Variants in LPAR1 observed in about 807,000 individuals in gnomAD.
LPAR1 encodes the protein LPA receptor 1.
LPAR1 carries 5 observed loss-of-function variants against 23.8 expected under a neutral mutation model. The ratio of observed to expected loss-of-function variants is 0.21; its 90% confidence interval spans 0.11 to 0.44. The LOEUF (loss-of-function observed/expected upper bound fraction) is 0.44, where lower values mean the gene tolerates loss of function less well. Among genes scored for constraint, LPAR1 ranks in the 20% least tolerant of loss-of-function variants. The pLI is 0.99. For synonymous variants in LPAR1, 160 were observed against 164.7 expected, an observed-to-expected ratio of 0.97 and a Z score of 0.22; for missense variants, 311 against 482.8, an observed-to-expected ratio of 0.64 and a Z score of 3.33.
At chr9:110,913,349 TATTTACCACTACTAC>T in intron 5 of LPAR1, among the ~76,000 whole-genome samples, 2 of 152,322 alleles carry the variant, frequency 1.3e-5, no homozygotes, top group East Asian at 3.9e-4. Flanking sequence ...CAACAGGTAG[TATTTACCACTACTAC>T]AAGTCAGCCA....
chr9:110,986,929 A>C (rs1238456494), intron 2 of LPAR1, among the ~76,000 whole-genome samples: 1 of 152,168 alleles, frequency 6.6e-6, no homozygotes, highest in Non-Finnish European at 1.5e-5. Flanking sequence ...TATCCTTGAA[A>C]GATGGTTTTC....
intron 2 of LPAR1, among the ~76,000 whole-genome samples, chr9:110,981,265 G>A (rs2096660257): frequency 6.6e-6 from 1 of 152,076 alleles, no homozygotes; most frequent in South Asian, 2.1e-4. Flanking sequence ...CTGCATAGTA[G>A]TTACAAGTAC....
At chr9:110,952,711 TC>T (rs113438541) in intron 4 of LPAR1, among the ~76,000 whole-genome samples, 159 of 151,854 alleles carry the variant, frequency 1.0e-3, no homozygotes, top group African/African-American at 3.7e-3. Context: ...AACCCCGCCC[TC>T]CCCAGCAGTA....
Position 110,993,114 on chromosome 9 carries a change from C to T in LPAR1, c.-181-19556G>A, listed in dbSNP as rs144423768. On this transcript the variant is annotated intron_variant, in intron 2 of 5. Transcript: ENST00000683809. ...TCTGGCATACAAGAAAATATGACCA[C>T]TAACCACAAACTAATTTTTTTTTAA... Among the ~76,000 whole-genome samples the T allele has an allele frequency of 3.6e-4, 55 of 152,220 alleles. 1 individual carries two copies. The East Asian group carries it at 8.9e-3, about 25-fold the overall frequency.
At chr9:110,953,026 G>A (rs2095619631) in intron 4 of LPAR1, among the ~76,000 whole-genome samples, 1 of 152,136 alleles carries the variant, frequency 6.6e-6, no homozygotes, top group South Asian at 2.1e-4. Flanking sequence ...CAGGCCTGGC[G>A]ACTGGCCCTC....
chr9:111,025,835 T>G (rs536052021), intron 2 of LPAR1, among the ~76,000 whole-genome samples: 1 of 152,324 alleles, frequency 6.6e-6, no homozygotes, highest in Non-Finnish European at 1.5e-5. Flanking sequence ...TTTGTCAGGT[T>G]TGTCAAAAAT....
At chr9:110,904,248 T>C (rs762390050) in intron 5 of LPAR1, among the ~76,000 whole-genome samples, 1 of 152,120 alleles carries the variant, frequency 6.6e-6, no homozygotes, top group African/African-American at 2.4e-5. Context: ...TATGGCTACA[T>C]ACGATAGATG....
intron 2 of LPAR1, among the ~76,000 whole-genome samples, chr9:111,024,534 G>T (rs2097646902): frequency 8.4e-6 from 1 of 119,690 alleles, no homozygotes. Context: ...ATATGGGAGT[G>T]TGTGTGTGTG....
At chr9:110,930,277 A>G (rs921025702) in intron 5 of LPAR1, among the ~76,000 whole-genome samples, 2 of 152,104 alleles carry the variant, frequency 1.3e-5, no homozygotes, top group African/African-American at 4.8e-5. Flanking sequence ...GCACTTTGGG[A>G]GGCTGAGGCA....
At chr9:111,006,682 A>C (rs933042130) in intron 2 of LPAR1, among the ~76,000 whole-genome samples, 3 of 152,208 alleles carry the variant, frequency 2.0e-5, no homozygotes, top group Non-Finnish European at 4.4e-5. Context: ...TCTTTATAGC[A>C]CATAAACAAA....
In LPAR1 at chr9:110,941,887, T is replaced by C; in HGVS notation, c.327A>G (p.Thr109=). 1 of 1,614,218 alleles carries C rather than the reference T, an allele frequency of 6.2e-7. No homozygotes were observed. The highest frequency in any genetic ancestry group is 1.3e-5 in the African/African-American group (1 of 75,062). Residue 109 remains threonine, a synonymous_variant, in exon 5 of 6, where the codon ACA becomes ACG. Coordinates refer to ENST00000683809, the MANE Select transcript of LPAR1 (RefSeq NM_001351411.2). The surrounding 1 kb of genome is among the most constrained non-coding windows in gnomAD (Gnocchi z 6.1). ...CAGTCAGTCTCCGAGTATTGGGTCC[T>C]GTGTTGAACATGAGATAGAAGTAGG... is the stretch of plus-strand genomic sequence containing the variant. ...GLAYFYLMFN[T]GPNTRRLTVS... is the part of the protein sequence containing the mutation.
At chr9:110,972,632 AG>A (rs2096459668) in intron 3 of LPAR1, among the ~76,000 whole-genome samples, 1 of 152,178 alleles carries the variant, frequency 6.6e-6, no homozygotes, top group African/African-American at 2.4e-5. Context: ...GTGGATTCTA[AG>A]CCCCCCAGTG....
At chr9:110,897,805 C>A (rs60194419) in intron 5 of LPAR1, among the ~76,000 whole-genome samples, 1 of 139,284 alleles carries the variant, frequency 7.2e-6, no homozygotes. Flanking sequence ...TAAAATAAGG[C>A]CTTTGATTTT....
chr9:110,987,822 T>A (rs1443154880), intron 2 of LPAR1, among the ~76,000 whole-genome samples: 1 of 150,582 alleles, frequency 6.6e-6, no homozygotes, highest in Non-Finnish European at 1.5e-5. Context: ...GTAACTGGAG[T>A]CCCCAAAGCA....
chr9:110,928,587 T>C (rs867125674), intron 5 of LPAR1, among the ~76,000 whole-genome samples: 1 of 152,310 alleles, frequency 6.6e-6, no homozygotes, highest in South Asian at 2.1e-4. Flanking sequence ...TACCGTCTGA[T>C]CGTTTTATAC....
At chr9:110,989,236 G>A (rs1170314287) in intron 2 of LPAR1, among the ~76,000 whole-genome samples, 1 of 152,116 alleles carries the variant, frequency 6.6e-6, no homozygotes, top group Non-Finnish European at 1.5e-5. Flanking sequence ...TATCTATCTG[G>A]AGACAAGGAC....
chr9:110,897,038 C>T (rs1032294758), intron 5 of LPAR1, among the ~76,000 whole-genome samples: 1 of 152,098 alleles, frequency 6.6e-6, no homozygotes, highest in East Asian at 1.9e-4. Flanking sequence ...CTGCCCACCT[C>T]GGCCTCCCAA....
intron 2 of LPAR1, among the ~76,000 whole-genome samples, chr9:111,016,436 C>T (rs958575577): frequency 1.3e-5 from 2 of 152,182 alleles, no homozygotes; most frequent in Admixed American, 1.3e-4. Context: ...GTATGTGGGG[C>T]CAAATTCATT....
At chr9:111,009,640 A>C (rs1053943683) in intron 2 of LPAR1, among the ~76,000 whole-genome samples, 3 of 151,984 alleles carry the variant, frequency 2.0e-5, no homozygotes, top group Admixed American at 1.3e-4. Context: ...ATTATATATG[A>C]ATCACTTTTA....
Sources: allele counts gnomAD v4.1 joint callset (sites outside exome capture counted in the v4.1 genomes callset), GRCh38; gene constraint gnomAD v4.1.1; non-coding constraint Gnocchi (gnomAD v3.1); transcripts MANE v1.5; gene names NCBI Gene and HGNC (gene_info 2026-07-23, HGNC 2026-07-21).